The following KCNK10 variants were observed in gnomAD, a reference collection of about 807,000 sequenced individuals.
The protein encoded by KCNK10 is potassium channel subfamily K member 10.
Under a neutral mutation model 47.7 loss-of-function variants are expected in KCNK10, and 25 were observed. That is an observed-to-expected ratio of 0.52 (90% CI 0.38 to 0.73). The LOEUF is 0.73. Ranked by LOEUF, KCNK10 falls within the 30% of genes least tolerant of loss-of-function variation. The pLI, the probability that KCNK10 is intolerant of heterozygous loss-of-function variation, is 0.00. For missense variants in KCNK10, 563 were observed against 714.5 expected (o/e 0.79, Z 2.42); for synonymous variants, 303 against 285.6 (o/e 1.06, Z -0.61).
At chr14:88,289,234 A>G (rs1887828060) in intron 1 of KCNK10, among the ~76,000 whole-genome samples, 1 of 152,178 alleles carries the variant, frequency 6.6e-6, no homozygotes, top group Non-Finnish European at 1.5e-5. Context: ...ACTCATCTGA[A>G]TGTACCTCCT....
intron 3 of KCNK10, among the ~76,000 whole-genome samples, chr14:88,238,111 T>C (rs567381848): frequency 2.6e-5 from 4 of 152,204 alleles, no homozygotes; most frequent in Non-Finnish European, 5.9e-5. Context: ...TTTTATGTTA[T>C]CAAAAGGTCT....
intron 4 of KCNK10, among the ~76,000 whole-genome samples, chr14:88,209,697 C>G (rs1333053631): frequency 1.3e-5 from 2 of 152,194 alleles, no homozygotes; most frequent in East Asian, 3.9e-4. Flanking sequence ...CCAGCCCCAC[C>G]CACCTCCATG....
At chr14:88,194,062 G>T (rs1487965658) in intron 4 of KCNK10, among the ~76,000 whole-genome samples, 2 of 151,948 alleles carry the variant, frequency 1.3e-5, no homozygotes, top group African/African-American at 4.8e-5. Context: ...TATAAAATGG[G>T]AACAGGGAAA....
upstream of KCNK10, among the ~76,000 whole-genome samples, chr14:88,325,959 G>C (rs8004804): frequency 0.25 from 38,051 of 151,212 alleles, 5,564 homozygotes; most frequent in Middle Eastern, 0.36. Flanking sequence ...TGGGGATGGG[G>C]AGGTGGGGGT....
chr14:88,257,883 G>C (rs1422922617), intron 2 of KCNK10, among the ~76,000 whole-genome samples: 2 of 152,082 alleles, frequency 1.3e-5, no homozygotes, highest in African/African-American at 4.8e-5. Flanking sequence ...TGAGCATGTT[G>C]AACTGGATAA....
chr14:88,277,850 C>T (rs1349970267), intron 1 of KCNK10, among the ~76,000 whole-genome samples: 3 of 152,136 alleles, frequency 2.0e-5, no homozygotes, highest in East Asian at 1.9e-4. Context: ...CACTCCACTC[C>T]CCAAAATACC....
intron 1 of KCNK10, among the ~76,000 whole-genome samples, chr14:88,320,387 A>T (rs1274682561): frequency 6.6e-6 from 1 of 152,212 alleles, no homozygotes; most frequent in East Asian, 1.9e-4. Context: ...TAACATGAAT[A>T]TATAGAATGA....
Position 88,274,567 on chromosome 14 carries a change from G to T in KCNK10, c.53-11016C>A, listed in dbSNP as rs867851233. Among the ~76,000 whole-genome samples, 16 of 19,940 alleles carry T rather than the reference G, an allele frequency of 8.0e-4. No homozygotes were observed. In the East Asian group the frequency reaches 0.018, roughly 22 times the overall value. 13.1% of individuals were successfully genotyped at this position (19,940 alleles called of 152,430 possible). ...CTCTATCTAAAAAAAAAAAAAAAAAGATCTTATGGCTTAAGTCCGTAACAT... is the reference window on the plus strand; with the variant it reads ...CTCTATCTAAAAAAAAAAAAAAAAATATCTTATGGCTTAAGTCCGTAACAT... On this transcript the variant is annotated intron_variant, in intron 1 of 6. Transcript: ENST00000319231.
chr14:88,206,156 TA>T (rs1885268169), intron 4 of KCNK10, among the ~76,000 whole-genome samples: 1 of 152,216 alleles, frequency 6.6e-6, no homozygotes, highest in African/African-American at 2.4e-5. Flanking sequence ...AGAAATTAAA[TA>T]TGTAAATTCT....
Position 88,287,708 on chromosome 14 carries a change from TGTGTGTG to T in KCNK10, c.53-24164_53-24158del, listed in dbSNP as rs1595123439. ...GTGTGTGTGTGTGTGTGTGTGTGTG[TGTGTGTG>T]TGTGTGTGTATCACAATTTCTTCAT... is the stretch of plus-strand genomic sequence containing the variant. On this transcript the variant is annotated intron_variant, in intron 1 of 6. Coordinates refer to ENST00000319231, the MANE Select transcript of KCNK10 (RefSeq NM_138317.3). Among the ~76,000 whole-genome samples the T allele has an allele frequency of 2.6e-5, 3 of 117,634 alleles. No homozygotes were observed. The East Asian group carries it at 6.1e-4, about 24-fold the overall frequency. 77.2% of individuals were successfully genotyped at this position (117,634 alleles called of 152,430 possible). A position where few individuals can be genotyped will look rare whatever the true frequency, so the allele number is the denominator to read the frequency against.
chr14:88,275,691 T>TAAAA (rs1887511750), intron 1 of KCNK10, among the ~76,000 whole-genome samples: 1 of 33,824 alleles, frequency 3.0e-5, no homozygotes, highest in Admixed American at 3.3e-4. Flanking sequence ...CTGCTAAAAA[T>TAAAA]ACAAAAAAAA....
chr14:88,292,256 G>A (rs985236771), intron 1 of KCNK10, among the ~76,000 whole-genome samples: 5 of 152,190 alleles, frequency 3.3e-5, no homozygotes, highest in African/African-American at 7.2e-5. Context: ...GAACAGCCAC[G>A]GCCCCCGCCT....
At chr14:88,237,407 C>G (rs530727592) in intron 3 of KCNK10, among the ~76,000 whole-genome samples, 3 of 152,324 alleles carry the variant, frequency 2.0e-5, no homozygotes, top group African/African-American at 7.2e-5. Context: ...TGACCTCTTC[C>G]AATTCATCAC....
Position 88,187,945 on chromosome 14 carries a change from T to C in KCNK10, c.1011+22A>G, listed in dbSNP as rs372984984. ...GCTCATCTGTTCTCAGGAACATTCA[T>C]AGGGTTAGGAAGGGGTCCTACCTCT... On this transcript the variant is annotated intron_variant, in intron 6 of 6. Coordinates refer to ENST00000319231, the MANE Select transcript of KCNK10 (RefSeq NM_138317.3). 6.0e-5 allele frequency: 97 copies of C among 1,610,490 alleles called. 2 individuals are homozygous for C. The highest frequency in any genetic ancestry group is 5.6e-4 in the South Asian group (51 of 91,006).
At chr14:88,261,408 C>T (rs2139751319) in intron 2 of KCNK10, among the ~76,000 whole-genome samples, 1 of 152,346 alleles carries the variant, frequency 6.6e-6, no homozygotes, top group Middle Eastern at 3.4e-3. Flanking sequence ...AAATCTGGCA[C>T]TGATTAGTAC....
chr14:88,182,083 C>T lies in KCNK10; in HGVS notation c.*3452G>A, dbSNP rs1201567171. 3.0e-5 allele frequency: 4 copies of T among 135,420 alleles called. No individual in the cohort carries two copies. Among genetic ancestry groups the T allele is most frequent in the Non-Finnish European group, 6.3e-5 (4 of 63,814 alleles). 8.4% of individuals were successfully genotyped at this position (135,420 alleles called of 1,614,324 possible). On this transcript the variant is annotated 3_prime_UTR_variant, in exon 7 of 7. Transcript: ENST00000319231. ...ACACACACACACACACACACACACA[C>T]ACTCTATACAGCCCTGCCCCAAAGT... is the stretch of plus-strand genomic sequence containing the variant.
At chr14:88,310,304 G>C (rs1468012759) in intron 1 of KCNK10, among the ~76,000 whole-genome samples, 1 of 121,244 alleles carries the variant, frequency 8.2e-6, no homozygotes, top group Non-Finnish European at 1.7e-5. Flanking sequence ...TCAGTGGCTA[G>C]GCTGTGACTT....
At chr14:88,235,282 G>A (rs766845065) in intron 3 of KCNK10, 3 of 455,336 alleles carry the variant, frequency 6.6e-6, no homozygotes, top group South Asian at 4.7e-5. Context: ...GTTTGCCTGG[G>A]GCCAGGTATT....
In KCNK10 at chr14:88,262,884, A is replaced by C. The variant is rs1257022217; in HGVS notation, c.402+318T>G. 2.0e-5 allele frequency among the ~76,000 whole-genome samples: 3 copies of C among 152,150 alleles called. No homozygotes were observed. In the East Asian group the frequency reaches 5.8e-4, roughly 29 times the overall value. On this transcript the variant is annotated intron_variant, in intron 2 of 6. Coordinates refer to ENST00000319231, the MANE Select transcript of KCNK10 (RefSeq NM_138317.3). ...TCTTCGGGTTCTATCCCAGCATTCC[A>C]CAGAGTTCAGAATCAAGGAGTTAAT...
Sources: allele counts gnomAD v4.1 joint callset (sites outside exome capture counted in the v4.1 genomes callset), GRCh38; gene constraint gnomAD v4.1.1; transcripts MANE v1.5; gene names NCBI Gene and HGNC (gene_info 2026-07-23, HGNC 2026-07-21).